GRIK3: variants seen among roughly 807,000 people sequenced by gnomAD.
GRIK3 encodes glutamate receptor ionotropic, kainate 3.
A neutral mutation model predicts 102.5 loss-of-function variants in GRIK3; 29 were observed. The observed-to-expected ratio is 0.28, with a 90% CI of 0.21 to 0.39. GRIK3 has a LOEUF of 0.39. Among genes scored for constraint, GRIK3 ranks in the 10% least tolerant of loss-of-function variants. The pLI is 1.00. For missense variants in GRIK3, 908 were observed against 1,252.4 expected, an observed-to-expected ratio of 0.73 and a Z score of 4.15; for synonymous variants, 511 against 504.9, an observed-to-expected ratio of 1.01 and a Z score of -0.16.
At chr1:36,853,196 A>G (rs1461707526) in intron 8 of GRIK3, among the ~76,000 whole-genome samples, 2 of 152,218 alleles carry the variant, frequency 1.3e-5, no homozygotes, top group Non-Finnish European at 2.9e-5. Flanking sequence ...CTCACAGGGG[A>G]GATACTCTCT....
intron 1 of GRIK3, among the ~76,000 whole-genome samples, chr1:37,019,193 G>A (rs2124072900): frequency 6.6e-6 from 1 of 152,324 alleles, no homozygotes; most frequent in Non-Finnish European, 1.5e-5. Context: ...CATCCATCTA[G>A]AAAAGTTAAG....
chr1:36,910,140 C>T (rs1641329136), intron 1 of GRIK3, among the ~76,000 whole-genome samples: 1 of 152,186 alleles, frequency 6.6e-6, no homozygotes, highest in African/African-American at 2.4e-5. Flanking sequence ...CTGGCCTGGC[C>T]CAGAGTGCAG....
chr1:36,879,297 C>T (rs1368308563), intron 3 of GRIK3, among the ~76,000 whole-genome samples: 1 of 151,806 alleles, frequency 6.6e-6, no homozygotes, highest in East Asian at 1.9e-4. Flanking sequence ...AGTTGGAGAC[C>T]AGCCTGGGCA....
intron 2 of GRIK3, among the ~76,000 whole-genome samples, chr1:36,881,141 G>A (rs958965176): frequency 8.5e-5 from 13 of 152,114 alleles, no homozygotes; most frequent in African/African-American, 1.4e-4. Flanking sequence ...GCCAGGGTAC[G>A]TCCCTTTTCC....
At chr1:36,829,712 T>A (rs745955727) in intron 10 of GRIK3, among the ~76,000 whole-genome samples, 4 of 152,176 alleles carry the variant, frequency 2.6e-5, no homozygotes, top group African/African-American at 4.8e-5. Context: ...GTGTCCTCTA[T>A]CCTTGCATGA....
rs1177713110 is a variant in GRIK3 at position 36,891,000 on chromosome 1, C to T, written c.212G>A (p.Arg71Lys). 6.2e-7 allele frequency: 1 copy of T among 1,613,900 alleles called. No individual in the cohort carries two copies. Among genetic ancestry groups the T allele is most frequent in the Non-Finnish European group, 8.5e-7 (1 of 1,179,912 alleles). The change falls in exon 2 of 16, where the codon AGG (arginine) becomes AAG (lysine). Residue 71 changes from arginine to lysine, a missense_variant. Around this residue, in one of 3 missense-constraint regions of GRIK3, gnomAD observed 585 missense variants for 824.9 expected, o/e 0.71. Coordinates refer to ENST00000373091, the MANE Select transcript of GRIK3 (RefSeq NM_000831.4). ...RFSANIINRNRTLLPNTTLTY... is the reference protein window; with the variant it reads ...RFSANIINRNKTLLPNTTLTY... The stretch of plus-strand genomic sequence containing the variant: ...CAAGGTTGTGTTGGGCAGCAGAGTC[C>T]TGTTCCTGTTGATGATGTTGGCAGA...
rs41267293 is a variant in GRIK3, at chr1:36,804,959, T to C, written c.2565+28A>G. The stretch of plus-strand genomic sequence containing the variant: ...CAGCGCGAATCTCCATTTCCCATCC[T>C]GTGCAGGCTCCAAGCTCTAAGGCTT... On this transcript the variant is annotated intron_variant, in intron 15 of 15. Transcript: ENST00000373091. 12,385 of 1,611,884 alleles carry C rather than the reference T, an allele frequency of 7.7e-3. 70 individuals are homozygous for C. Among genetic ancestry groups the C allele is most frequent in the Non-Finnish European group, 9.6e-3 (11,348 of 1,178,636 alleles).
At chr1:36,915,170 T>C (rs1201367568) in intron 1 of GRIK3, among the ~76,000 whole-genome samples, 1 of 152,188 alleles carries the variant, frequency 6.6e-6, no homozygotes, top group African/African-American at 2.4e-5. Context: ...AGATAAACAG[T>C]AGGGGAGACC....
chr1:36,936,637 A>G (rs1641660417), intron 1 of GRIK3, among the ~76,000 whole-genome samples: 1 of 152,206 alleles, frequency 6.6e-6, no homozygotes, highest in Admixed American at 6.5e-5. Flanking sequence ...TTATTAAAGC[A>G]GTTAACACCA....
rs745907951 is a variant in GRIK3, at chr1:36,800,633, TATG to T, written c.*1215_*1217del. 4.6e-5 allele frequency: 7 copies of T among 152,268 alleles called. No individual in the cohort carries two copies. The East Asian group carries it at 5.8e-4, about 13-fold the overall frequency. The allele number at this position is 152,268 out of a possible 1,614,324, so 9.4% of individuals were successfully genotyped here. A position where few individuals can be genotyped will look rare whatever the true frequency, so the allele number is the denominator to read the frequency against. On this transcript the variant is annotated 3_prime_UTR_variant, in exon 16 of 16. Transcript: ENST00000373091. Reference sequence around the variant, plus strand: ...CCCCACCCTTGGGGCCTCTGCCAGCTATGATATTATGTCCCTGGAAACTTTCTT... The same window carrying T: ...CCCCACCCTTGGGGCCTCTGCCAGCTATATTATGTCCCTGGAAACTTTCTT...
intron 8 of GRIK3, among the ~76,000 whole-genome samples, chr1:36,851,016 C>T (rs1640578744): frequency 6.6e-6 from 1 of 152,182 alleles, no homozygotes; most frequent in African/African-American, 2.4e-5. Flanking sequence ...AAGGAAAGGT[C>T]AAGTTTAGAA....
Position 36,891,072 on chromosome 1 carries a change from C to T in GRIK3, c.140G>A (p.Gly47Asp), listed in dbSNP as rs778418873. The part of the protein sequence containing the change: ...RIGGIFEYAD[G>D]PNAQVMNAEE... ...GGCATTCATGACCTGGGCGTTGGGG[C>T]CGTCCGCATACTCGAAGATTCCTCC... is the stretch of plus-strand genomic sequence containing the variant. Residue 47 changes from glycine to aspartate, a missense_variant, in exon 2 of 16, where the codon GGC becomes GAC. By Grantham distance (94) the Gly-to-Asp change is moderately conservative. Around this residue, in one of 3 missense-constraint regions of GRIK3, gnomAD observed 585 missense variants for 824.9 expected, o/e 0.71. Transcript: ENST00000373091. The T allele has an allele frequency of 5.0e-6, 8 of 1,613,068 alleles. No individual in the cohort carries two copies. Among genetic ancestry groups the T allele is most frequent in the Non-Finnish European group, 5.9e-6 (7 of 1,179,398 alleles).
intron 1 of GRIK3, 50 bp from the exon 2 acceptor site, chr1:36,891,146 C>T: frequency 7.1e-7 from 1 of 1,414,666 alleles, no homozygotes; most frequent in Non-Finnish European, 9.8e-7. Flanking sequence ...GGATGGGGCT[C>T]TAGCAAGGAT....
intron 1 of GRIK3, among the ~76,000 whole-genome samples, chr1:36,985,064 C>G (rs773660969): frequency 6.6e-6 from 1 of 152,110 alleles, no homozygotes; most frequent in Non-Finnish European, 1.5e-5. Context: ...TTCAGAGCAC[C>G]CTAAAACGGG....
intron 2 of GRIK3, among the ~76,000 whole-genome samples, chr1:36,883,627 C>T (rs1317460694): frequency 6.6e-6 from 1 of 152,210 alleles, no homozygotes; most frequent in Non-Finnish European, 1.5e-5. Context: ...TCTGGAAGGG[C>T]AGGGCACAGG....
At chr1:36,830,056 T>C (rs1642798825) in intron 10 of GRIK3, among the ~76,000 whole-genome samples, 2 of 152,238 alleles carry the variant, frequency 1.3e-5, no homozygotes, top group South Asian at 4.1e-4. Flanking sequence ...TTCCCAAGTA[T>C]AGTTCCCACC....
chr1:36,867,106 T>A (rs1030082404), intron 5 of GRIK3, among the ~76,000 whole-genome samples: 4 of 152,156 alleles, frequency 2.6e-5, no homozygotes, highest in Non-Finnish European at 5.9e-5. Context: ...GATAAATGAA[T>A]CAATGGATGA....
In GRIK3 at chr1:37,034,158, G is replaced by A. The variant is rs979203079; in HGVS notation, c.-50C>T. On this transcript the variant is annotated 5_prime_UTR_variant, in exon 1 of 16. Coordinates refer to ENST00000373091, the MANE Select transcript of GRIK3 (RefSeq NM_000831.4). ...GGGGCGCGGCCGTGGCGGGCTCCCT[G>A]GGGCGGCAGCTCTAGGCGCGGGCGC... 5.3e-6 allele frequency: 5 copies of A among 944,394 alleles called. No homozygotes were observed. The African/African-American group carries it at 8.9e-5, about 17-fold the overall frequency. The allele number at this position is 944,394 out of a possible 1,614,324, so 58.5% of individuals were successfully genotyped here.
chr1:36,947,620 T>C (rs1641798739), intron 1 of GRIK3, among the ~76,000 whole-genome samples: 1 of 152,118 alleles, frequency 6.6e-6, no homozygotes, highest in South Asian at 2.1e-4. Context: ...TTACATGTCA[T>C]CTTATCAGAG....
Sources: gnomAD v4.1 joint callset for allele counts (sites outside exome capture counted in the v4.1 genomes callset) on GRCh38, gnomAD v4.1.1 for gene constraint, gnomAD v4.1.1 regional missense constraint, MANE v1.5 for transcripts, NCBI Gene and HGNC (gene_info 2026-07-23, HGNC 2026-07-21) for gene names.